Variants in PAH observed in about 807,000 individuals in gnomAD.
PAH encodes phenylalanine-4-hydroxylase.
A neutral mutation model predicts 62.0 loss-of-function variants in PAH; 64 were observed. That is an observed-to-expected ratio of 1.03 (90% CI 0.84 to 1.27). PAH has a LOEUF of 1.27. Among genes scored for constraint, PAH ranks in the 50% most tolerant of loss-of-function variants. PAH has a pLI of 0.00. For missense variants in PAH, 579 were observed against 542.8 expected (o/e 1.07, Z -0.66); for synonymous variants, 195 against 196.2 (o/e 0.99, Z 0.05).
chr12:102,932,115 T>C (rs1878900897), intron 1 of PAH, among the ~76,000 whole-genome samples: 1 of 152,166 alleles, frequency 6.6e-6, no homozygotes, highest in Admixed American at 6.5e-5. Context: ...ATCATCTGTG[T>C]TACCTCTCTG....
At chr12:102,862,924 T>C (rs1592959355) in intron 5 of PAH, among the ~76,000 whole-genome samples, 1 of 150,850 alleles carries the variant, frequency 6.6e-6, no homozygotes, top group Admixed American at 6.6e-5. Context: ...CAGAAGGTCT[T>C]GTGGTAGCCA....
At chr12:102,913,406 A>T (rs997054238) in intron 1 of PAH, among the ~76,000 whole-genome samples, 5 of 152,200 alleles carry the variant, frequency 3.3e-5, no homozygotes, top group Admixed American at 3.3e-4. Flanking sequence ...AGGCTTTTGA[A>T]TCGTAAGACC....
intron 2 of PAH, among the ~76,000 whole-genome samples, chr12:102,904,521 C>T (rs1370033341): frequency 6.6e-6 from 1 of 152,160 alleles, no homozygotes; most frequent in Non-Finnish European, 1.5e-5. Flanking sequence ...CACTATGGCT[C>T]TCTAAAACCT....
upstream of PAH, among the ~76,000 whole-genome samples, chr12:102,955,755 C>G (rs929358698): frequency 6.6e-6 from 1 of 152,094 alleles, no homozygotes; most frequent in Non-Finnish European, 1.5e-5. Context: ...CCTCTTAGGC[C>G]CTTTCCTTGG....
chr12:102,842,979 C>T (rs997469150), intron 11 of PAH, among the ~76,000 whole-genome samples: 1 of 152,152 alleles, frequency 6.6e-6, no homozygotes, highest in African/African-American at 2.4e-5. Context: ...AGGAACTGTG[C>T]ACTCAGAGGG....
intron 12 of PAH, 30 bp downstream of exon 12, chr12:102,840,370 G>T (rs757092979): frequency 1.6e-6 from 2 of 1,288,652 alleles, no homozygotes; most frequent in South Asian, 1.2e-5. Context: ...CTGAGAAACC[G>T]AGTGGCCTCG....
chr12:102,866,287 C>G (rs748887495), intron 5 of PAH, among the ~76,000 whole-genome samples: 7 of 152,046 alleles, frequency 4.6e-5, no homozygotes, highest in Non-Finnish European at 1.0e-4. Flanking sequence ...TATTCAGGAC[C>G]GAGGCCTTTT....
intron 4 of PAH, among the ~76,000 whole-genome samples, chr12:102,869,998 T>C (rs1282551675): frequency 6.6e-6 from 1 of 152,066 alleles, no homozygotes. Context: ...TAACCAAGTA[T>C]GTTTTGACAG....
chr12:102,935,989 AT>A (rs538463998), intron 1 of PAH, among the ~76,000 whole-genome samples: 21 of 149,968 alleles, frequency 1.4e-4, no homozygotes, highest in African/African-American at 3.4e-4. Flanking sequence ...GTTTATTTGA[AT>A]TTTTTTAATT....
intron 3 of PAH, 127 bp from the exon 4 acceptor site, chr12:102,877,677 CA>C: frequency 1.3e-6 from 1 of 745,292 alleles, no homozygotes; most frequent in Non-Finnish European, 2.4e-6. Flanking sequence ...AGATAACCCC[CA>C]AATTACTATC....
At chr12:102,860,402 A>T (rs1479216324) in intron 5 of PAH, among the ~76,000 whole-genome samples, 2 of 152,232 alleles carry the variant, frequency 1.3e-5, no homozygotes, top group Admixed American at 6.5e-5. Flanking sequence ...GAAAATGGCC[A>T]TACTGCCCAA....
At chr12:102,841,445 C>T (rs1424062677) in intron 11 of PAH, among the ~76,000 whole-genome samples, 4 of 152,132 alleles carry the variant, frequency 2.6e-5, no homozygotes, top group African/African-American at 9.7e-5. Flanking sequence ...GCTGCCTGGG[C>T]TGAAACCCTG....
chr12:102,957,895 C>T lies in PAH; in HGVS notation c.-96+300G>A. On this transcript the variant is annotated intron_variant, in intron 1 of 4. Coordinates refer to the PAH transcript ENST00000551337. The surrounding 1 kb of genome is among the most constrained non-coding windows in gnomAD (Gnocchi z 4.1). ...AGAGCGCGTTCAGCACTGACTTTTG[C>T]TGCTGCTTCTGCTTTTTTTTTTCTT... 1 of 209,040 alleles carries T rather than the reference C, an allele frequency of 4.8e-6. No homozygotes were observed. Among genetic ancestry groups the T allele is most frequent in the Non-Finnish European group, 9.4e-6 (1 of 106,238 alleles). 12.9% of individuals were successfully genotyped at this position (209,040 alleles called of 1,614,324 possible). A position where few individuals can be genotyped will look rare whatever the true frequency, so the allele number is the denominator to read the frequency against.
At chr12:102,932,251 C>T (rs1878906735) in intron 1 of PAH, among the ~76,000 whole-genome samples, 1 of 152,200 alleles carries the variant, frequency 6.6e-6, no homozygotes, top group African/African-American at 2.4e-5. Context: ...CTCTGCTCTT[C>T]CCACTGTGCC....
At chr12:102,929,215 T>C (rs1413464388) in intron 1 of PAH, among the ~76,000 whole-genome samples, 1 of 152,192 alleles carries the variant, frequency 6.6e-6, no homozygotes, top group Non-Finnish European at 1.5e-5. Context: ...GTCTTGGGTA[T>C]GTCTTTATTA....
chr12:102,869,621 G>A (rs1321130770), intron 4 of PAH, among the ~76,000 whole-genome samples: 2 of 152,226 alleles, frequency 1.3e-5, no homozygotes, highest in Non-Finnish European at 2.9e-5. Flanking sequence ...TTCCATGTGG[G>A]AAGGTTTCTA....
intron 8 of PAH, among the ~76,000 whole-genome samples, chr12:102,850,004 G>A (rs944295506): frequency 6.6e-6 from 1 of 152,234 alleles, no homozygotes; most frequent in Non-Finnish European, 1.5e-5. Context: ...GTTCCCCAAA[G>A]TGGAAATGGC....
Position 102,948,803 on chromosome 12 carries a change from C to A in PAH, c.-96+1786G>T, listed in dbSNP as rs148209279. ...TAGCTTGCTAAAAGAGCCAATTTGC[C>A]AGATTCTGATTTGGTGGGTCTGGGA... On this transcript the variant is annotated intron_variant, in intron 1 of 3. Coordinates refer to the PAH transcript ENST00000546844. Among the ~76,000 whole-genome samples the A allele has an allele frequency of 2.5e-3, 382 of 152,218 alleles. 2 individuals carry two copies. Among genetic ancestry groups the A allele is most frequent in the African/African-American group, 8.5e-3 (353 of 41,544 alleles).
intron 6 of PAH, chr12:102,853,160 A>G: frequency 1.6e-6 from 1 of 607,838 alleles, no homozygotes. Flanking sequence ...CAGTTTCCTC[A>G]TCTGCATAAT....
Sources: gnomAD v4.1 joint callset for allele counts (sites outside exome capture counted in the v4.1 genomes callset) on GRCh38, gnomAD v4.1.1 for gene constraint, Gnocchi (gnomAD v3.1) non-coding constraint, MANE v1.5 for transcripts, NCBI Gene and HGNC (gene_info 2026-07-23, HGNC 2026-07-21) for gene names.